The following PRDM2 variants were observed in gnomAD, a reference collection of about 807,000 sequenced individuals.
PRDM2 encodes the protein PR/SET domain 2.
PRDM2 carries 30 observed loss-of-function variants against 130.0 expected under a neutral mutation model. That is an observed-to-expected ratio of 0.23 (90% CI 0.17 to 0.31). The LOEUF is 0.31. Among genes scored for constraint, PRDM2 ranks in the 10% least tolerant of loss-of-function variants. The pLI is 1.00. For missense variants in PRDM2, 2,011 were observed against 2,108.4 expected (o/e 0.95, Z 0.90); for synonymous variants, 871 against 782.4 (o/e 1.11, Z -1.89).
intron 8 of PRDM2, among the ~76,000 whole-genome samples, chr1:13,801,205 C>A (rs1645001707): frequency 6.6e-6 from 1 of 152,150 alleles, no homozygotes; most frequent in African/African-American, 2.4e-5. Flanking sequence ...CAGGCCAGGG[C>A]CCTTCTGTGC....
intron 8 of PRDM2, among the ~76,000 whole-genome samples, chr1:13,812,281 G>C (rs1211048503): frequency 6.6e-6 from 1 of 151,608 alleles, no homozygotes; most frequent in African/African-American, 2.4e-5. Flanking sequence ...GTGTGGACCT[G>C]GAGGCAGAAT....
chr1:13,747,544 C>A (rs754099784), intron 5 of PRDM2, among the ~76,000 whole-genome samples: 18 of 151,914 alleles, frequency 1.2e-4, no homozygotes, highest in Admixed American at 3.9e-4. Flanking sequence ...AAGAAAAAGG[C>A]AGATTTTAGC....
At chr1:13,717,529 AT>A (rs1642581207) in intron 2 of PRDM2, 2 of 697,300 alleles carry the variant, frequency 2.9e-6, no homozygotes, top group African/African-American at 3.9e-5. Flanking sequence ...CTTAGGATTA[AT>A]TATGCCTTAA....
At chr1:13,736,977 A>C (rs1026090928) in intron 4 of PRDM2, among the ~76,000 whole-genome samples, 9 of 152,232 alleles carry the variant, frequency 5.9e-5, no homozygotes, top group African/African-American at 1.7e-4. Flanking sequence ...TTTTTAAAAG[A>C]TATATAAACT....
intron 6 of PRDM2, among the ~76,000 whole-genome samples, chr1:13,769,865 CT>C (rs1196254179): frequency 6.6e-6 from 1 of 152,122 alleles, no homozygotes; most frequent in Non-Finnish European, 1.5e-5. Flanking sequence ...GGTTCTTAAC[CT>C]GGGGAAATCT....
At chr1:13,720,463 C>T (rs1161360902) in intron 2 of PRDM2, among the ~76,000 whole-genome samples, 2 of 151,946 alleles carry the variant, frequency 1.3e-5, no homozygotes, top group African/African-American at 4.8e-5. Flanking sequence ...GCTCTGGGGT[C>T]GCCAGAAGGA....
chr1:13,817,513 A>G (rs1449209058), intron 9 of PRDM2, among the ~76,000 whole-genome samples: 1 of 151,716 alleles, frequency 6.6e-6, no homozygotes, highest in Non-Finnish European at 1.5e-5. Flanking sequence ...TGTTGGTGAC[A>G]CCACACAACT....
At chr1:13,772,541 G>A (rs115853822) in intron 6 of PRDM2, among the ~76,000 whole-genome samples, 2,134 of 152,258 alleles carry the variant, frequency 0.014, 36 homozygotes, top group South Asian at 0.083. Flanking sequence ...TAATTACTCT[G>A]CATTTGGTAT....
At chr1:13,740,926 G>C (rs1643419141) in intron 4 of PRDM2, among the ~76,000 whole-genome samples, 1 of 152,212 alleles carries the variant, frequency 6.6e-6, no homozygotes, top group South Asian at 2.1e-4. Flanking sequence ...GTAAAGAAAG[G>C]TGATTAATGT....
intron 2 of PRDM2, among the ~76,000 whole-genome samples, chr1:13,717,947 T>C (rs897150583): frequency 6.6e-6 from 1 of 152,232 alleles, no homozygotes; most frequent in Non-Finnish European, 1.5e-5. Flanking sequence ...ACTAGAAGAA[T>C]ATTAGTTATA....
At position 13,780,133 on chromosome 1, in the gene PRDM2, G is replaced by T. The variant is rs763450411; in HGVS notation, c.2338G>T (p.Asp780Tyr). ...SKKSKLESHS[D>Y]SPAWSLSGRD... ...AAAATCCAAATTAGAAAGTCACAGC[G>T]ACTCACCAGCATGGAGTTTGTCTGG... is the stretch of plus-strand genomic sequence containing the variant. The change falls in exon 8 of 10, where the codon GAC becomes TAC. Residue 780 changes from aspartate (D) to tyrosine (Y), a missense_variant. Transcript: ENST00000311066. The T allele has an allele frequency of 6.2e-7, 1 of 1,610,724 alleles. No individual in the cohort carries two copies. Among genetic ancestry groups the T allele is most frequent in the Non-Finnish European group, 8.5e-7 (1 of 1,177,672 alleles).
Position 13,824,121 on chromosome 1 carries a change from G to C in PRDM2, c.*986G>C, listed in dbSNP as rs377688618. 5.9e-5 allele frequency: 9 copies of C among 152,676 alleles called. No individual in the cohort carries two copies. Among genetic ancestry groups the C allele is most frequent in the Admixed American group, 5.9e-4 (9 of 15,284 alleles). The allele number at this position is 152,676 out of a possible 1,614,324, so 9.5% of individuals were successfully genotyped here. On this transcript the variant is annotated 3_prime_UTR_variant, in exon 10 of 10. Coordinates refer to ENST00000311066, the MANE Select transcript of PRDM2 (RefSeq NM_001393986.1). ...GGCTGACTCCTGCTCTCTGGAGGAC[G>C]GTCAGTCCATGTCTCGGAGAAACGG...
chr1:13,764,285 T>C (rs564871982), intron 6 of PRDM2, among the ~76,000 whole-genome samples: 1 of 152,318 alleles, frequency 6.6e-6, no homozygotes, highest in East Asian at 1.9e-4. Context: ...ATTTTGTAGT[T>C]GCCTCGTCAC....
In PRDM2 at chr1:13,782,519, A is replaced by G. The variant is rs200202850; in HGVS notation, c.4724A>G (p.Asn1575Ser). 1 of 1,614,094 alleles carries G rather than the reference A, an allele frequency of 6.2e-7. No homozygotes were observed. The highest frequency in any genetic ancestry group is 2.2e-5 in the East Asian group (1 of 44,882). ...SKKPSSSSLRNSSPIRMAKIT... is the reference protein window; with the variant it reads ...SKKPSSSSLRSSSPIRMAKIT... ...AAACCAAGCTCCTCCTCTTTAAGGA[A>G]CTCCAGCCCGATAAGAATGGCCAAA... The change falls in exon 8 of 10, where the codon AAC becomes AGC. Residue 1575 changes from asparagine (N) to serine (S), a missense_variant. Coordinates refer to ENST00000311066, the MANE Select transcript of PRDM2 (RefSeq NM_001393986.1).
intron 8 of PRDM2, among the ~76,000 whole-genome samples, chr1:13,800,671 C>T (rs1644992372): frequency 6.6e-6 from 1 of 152,156 alleles, no homozygotes; most frequent in Non-Finnish European, 1.5e-5. Context: ...GTGTTTTTCT[C>T]CATCAAAAAG....
Position 13,782,788 on chromosome 1 carries a change from A to C in PRDM2, c.4993A>C (p.Lys1665Gln). ...AGCTGCTGCTGACTTGAGTGAGAACAAGAGAGAGGACGGCAGCGCCAAGCA... is the reference window on the plus strand; with the variant it reads ...AGCTGCTGCTGACTTGAGTGAGAACCAGAGAGAGGACGGCAGCGCCAAGCA... ...LAAAADLSENKREDGSAKQEL... is the reference protein window; with the variant it reads ...LAAAADLSENQREDGSAKQEL... The change falls in exon 8 of 10, where the codon AAG becomes CAG. Residue 1665 changes from lysine (K) to glutamine (Q), a missense_variant. This residue lies in a region of PRDM2 where 410 missense variants were observed against 395.9 expected (regional missense o/e 1.04). Coordinates refer to ENST00000311066, the MANE Select transcript of PRDM2 (RefSeq NM_001393986.1). 1 of 1,610,308 alleles carries C rather than the reference A, an allele frequency of 6.2e-7. No homozygotes were observed.
At chr1:13,756,262 CAAA>C (rs1288638873) in intron 6 of PRDM2, among the ~76,000 whole-genome samples, 2 of 79,654 alleles carry the variant, frequency 2.5e-5, no homozygotes, top group Admixed American at 1.5e-4. Flanking sequence ...GACTCCTTCT[CAAA>C]AAAAAAAAAA....
chr1:13,721,386 TATC>T (rs1341657950), intron 2 of PRDM2, among the ~76,000 whole-genome samples: 2 of 151,896 alleles, frequency 1.3e-5, no homozygotes, highest in Non-Finnish European at 1.5e-5. Flanking sequence ...TTCACTGTTT[TATC>T]ATATTATTAA....
rs1237907969 is a variant in PRDM2 at position 13,720,668 on chromosome 1, C to T, written c.9+5054C>T. Among the ~76,000 whole-genome samples, 8 of 152,304 alleles carry T rather than the reference C, an allele frequency of 5.3e-5. No homozygotes were observed. In the East Asian group the frequency reaches 1.5e-3, roughly 29 times the overall value. ...TACCGTGTTTCATATATGTCAGGCA[C>T]TAGCCTAAGTGCTTTCCGTTCAGTA... is the stretch of plus-strand genomic sequence containing the variant. On this transcript the variant is annotated intron_variant, in intron 2 of 9. Transcript: ENST00000311066.
Sources: allele counts gnomAD v4.1 joint callset (sites outside exome capture counted in the v4.1 genomes callset), GRCh38; gene constraint gnomAD v4.1.1; regional missense constraint gnomAD v4.1.1; transcripts MANE v1.5; gene names NCBI Gene and HGNC (gene_info 2026-07-23, HGNC 2026-07-21).